The following MAST1 variants were observed in gnomAD, a reference collection of about 807,000 sequenced individuals.
MAST1 encodes the protein microtubule-associated serine/threonine-protein kinase 1.
A neutral mutation model predicts 124.6 loss-of-function variants in MAST1; 40 were observed. The ratio of observed to expected loss-of-function variants is 0.32; its 90% CI spans 0.25 to 0.42. The LOEUF is 0.42. Ranked by LOEUF, MAST1 falls within the 10% of genes least tolerant of loss-of-function variation. MAST1 has a pLI of 1.00. For synonymous variants in MAST1, 938 were observed against 939.4 expected, an observed-to-expected ratio of 1.00 and a Z score of 0.03; for missense variants, 1,558 against 2,181.9, an observed-to-expected ratio of 0.71 and a Z score of 5.70.
Position 12,840,447 on chromosome 19 carries a change from T to A in MAST1, c.85T>A (p.Cys29Ser), listed in dbSNP as rs1369058852. ...GGSMFRRTKS[C>S]RTSNRKSLIL... is the part of the protein sequence containing the mutation. ...CCCCCTGCCTTACCTTCCCCGCAGCTGCCGCACCAGTAATCGGAAAAGCCT... is the reference window on the plus strand; with the variant it reads ...CCCCCTGCCTTACCTTCCCCGCAGCAGCCGCACCAGTAATCGGAAAAGCCT... Residue 29 changes from cysteine (C) to serine (S), a missense_variant and splice_region_variant, in exon 2 of 26, where the codon TGC becomes AGC. By Grantham distance (112) the Cys-to-Ser change is moderately radical (BLOSUM62 -1). Coordinates refer to ENST00000251472, the MANE Select transcript of MAST1 (RefSeq NM_014975.3). 6.2e-7 allele frequency: 1 copy of A among 1,612,078 alleles called. No homozygotes were observed. Among genetic ancestry groups the A allele is most frequent in the Admixed American group, 1.7e-5 (1 of 59,950 alleles).
rs745627244 is a variant in MAST1, at chr19:12,865,155, G to A, written c.1615G>A (p.Ala539Thr). 5 of 1,614,054 alleles carry A rather than the reference G, an allele frequency of 3.1e-6. No homozygotes were observed. In the Admixed American group the frequency reaches 8.3e-5, roughly 27 times the overall value. ...NLYEGHIEKD[A>T]REFLDKQVCG... ...ATATGAAGGCCACATCGAGAAGGAC[G>A]CCCGAGAGTTCCTGGACAAACAGGT... Residue 539 changes from alanine to threonine, a missense_variant, in exon 14 of 26, where the codon GCC (alanine) becomes ACC (threonine). Transcript: ENST00000251472. This position sits in a 1 kb window ranked among gnomAD's most constrained non-coding sequence, Gnocchi z 7.1.
At chr19:12,873,062 C>T (rs1347262587) in intron 24 of MAST1, among the ~76,000 whole-genome samples, 1 of 149,760 alleles carries the variant, frequency 6.7e-6, no homozygotes, top group African/African-American at 2.5e-5. Flanking sequence ...GAGAGGTGGG[C>T]GGGGCAGAAC....
At position 12,865,654 on chromosome 19, in the gene MAST1, A is replaced by AG; in HGVS notation, c.1805-62dup. ...TGCACTCCAGCTGGGTGACACAGTG[A>AG]GATCCTGTGTCCAAACAACAACAAC... On this transcript the variant is annotated intron_variant, in intron 15 of 25. Coordinates refer to ENST00000251472, the MANE Select transcript of MAST1 (RefSeq NM_014975.3). The surrounding 1 kb of genome is among the most constrained non-coding windows in gnomAD (Gnocchi z 7.1). 6.8e-7 allele frequency: 1 copy of AG among 1,462,502 alleles called. No homozygotes were observed. Among genetic ancestry groups the AG allele is most frequent in the South Asian group, 1.2e-5 (1 of 80,788 alleles). 90.6% of individuals were successfully genotyped at this position (1,462,502 alleles called of 1,614,324 possible). A position where few individuals can be genotyped will look rare whatever the true frequency, so the allele number is the denominator to read the frequency against.
Position 12,839,082 on chromosome 19 carries a change from A to C in MAST1, c.83+427A>C, listed in dbSNP as rs1159555381. 4.3e-5 allele frequency among the ~76,000 whole-genome samples: 6 copies of C among 140,036 alleles called. No homozygotes were observed. In the East Asian group the frequency reaches 1.2e-3, roughly 28 times the overall value. The allele number at this position is 140,036 out of a possible 152,430, so 91.9% of individuals were successfully genotyped here. ...CGGCTGTGGGTGAGGGGACGGACGG[A>C]GGGGCTTGGGGCTCCCTCTTCGGGA... On this transcript the variant is annotated intron_variant, in intron 1 of 25. Coordinates refer to ENST00000251472, the MANE Select transcript of MAST1 (RefSeq NM_014975.3).
chr19:12,867,422 C>T, intron 18 of MAST1, 52 bp from the exon 19 acceptor site: 1 of 1,603,644 alleles, frequency 6.2e-7, no homozygotes, highest in Non-Finnish European at 8.5e-7. Flanking sequence ...CTGATTAGCT[C>T]CGGAGTGAAA....
intron 12 of MAST1, chr19:12,859,020 T>G (rs1332935870): frequency 3.9e-6 from 2 of 514,954 alleles, no homozygotes; most frequent in Non-Finnish European, 6.8e-6. Flanking sequence ...CTAATCCATC[T>G]GTTTTTCCAT....
intron 1 of MAST1, 21 bp from the exon 2 acceptor site, chr19:12,840,425 C>G (rs772381094): frequency 5.1e-6 from 8 of 1,578,530 alleles, no homozygotes; most frequent in African/African-American, 4.0e-5. Context: ...GCCCGGCCCC[C>G]CTGCCTTACC....
chr19:12,850,511 A>G (rs1969947649), intron 7 of MAST1, among the ~76,000 whole-genome samples: 1 of 152,242 alleles, frequency 6.6e-6, no homozygotes. Context: ...TTTTAAGTTT[A>G]CATATTTTAT....
chr19:12,867,793 C>T lies in MAST1; in HGVS notation c.2382C>T (p.Ala794=). The T allele has an allele frequency of 1.3e-6, 2 of 1,568,494 alleles. No homozygotes were observed. The highest frequency in any genetic ancestry group is 1.7e-6 in the Non-Finnish European group (2 of 1,158,794). ...LEGEASPPLG[A]RRRFSALLEP... ...GAGAGGCCAGTCCCCCTTTGGGCGC[C>T]CGCCGCCGTTTCTCGGCGCTGCTGG... Residue 794 remains alanine (A), a synonymous_variant, in exon 20 of 26, where the codon GCC becomes GCT. Transcript: ENST00000251472.
At chr19:12,842,903 TGTGA>T (rs1169904240) in intron 3 of MAST1, among the ~76,000 whole-genome samples, 1 of 152,120 alleles carries the variant, frequency 6.6e-6, no homozygotes, top group African/African-American at 2.4e-5. Flanking sequence ...TGCATTAGTG[TGTGA>T]GAGTGTGATA....
chr19:12,840,110 G>A (rs1969807367), intron 1 of MAST1, among the ~76,000 whole-genome samples: 1 of 152,126 alleles, frequency 6.6e-6, no homozygotes, highest in South Asian at 2.1e-4. Context: ...GATACCACAC[G>A]TGGATACCTA....
chr19:12,847,623 C>A lies in MAST1; in HGVS notation c.500C>A (p.Ser167Tyr). The A allele has an allele frequency of 6.2e-7, 1 of 1,614,062 alleles. No individual in the cohort carries two copies. The highest frequency in any genetic ancestry group is 8.5e-7 in the Non-Finnish European group (1 of 1,179,984). The part of the protein sequence containing the change: ...PRSRSLSPGR[S>Y]PSSYDNEIVM... ...TTCTCTCCCCGCAGCCCCGGGCGCT[C>A]CCCCTCCTCCTACGACAACGAGATC... Residue 167 changes from serine to tyrosine, a missense_variant, in exon 6 of 26, where the codon TCC (serine) becomes TAC (tyrosine). By Grantham distance (144) the Ser-to-Tyr change is moderately radical. This residue lies in a region of MAST1 where 165 missense variants were observed against 315.3 expected (regional missense o/e 0.52). Coordinates refer to ENST00000251472, the MANE Select transcript of MAST1 (RefSeq NM_014975.3). This position sits in a 1 kb window ranked among gnomAD's most constrained non-coding sequence, Gnocchi z 5.5.
intron 1 of MAST1, among the ~76,000 whole-genome samples, chr19:12,839,161 C>G (rs1220807823): frequency 6.6e-6 from 1 of 151,860 alleles, no homozygotes; most frequent in Non-Finnish European, 1.5e-5. Context: ...ACAACCCCCC[C>G]CCCCGAACAC....
At position 12,865,633 on chromosome 19, in the gene MAST1, C is replaced by T; in HGVS notation, c.1805-84C>T. The T allele has an allele frequency of 6.9e-7, 1 of 1,452,046 alleles. No homozygotes were observed. The highest frequency in any genetic ancestry group is 9.5e-7 in the Non-Finnish European group (1 of 1,054,444). 89.9% of individuals were successfully genotyped at this position (1,452,046 alleles called of 1,614,324 possible). ...AGTGAGCCATGATCGTGCCACTGCA[C>T]TCCAGCTGGGTGACACAGTGAGATC... On this transcript the variant is annotated intron_variant, in intron 15 of 25. Transcript: ENST00000251472. The surrounding 1 kb of genome is among the most constrained non-coding windows in gnomAD (Gnocchi z 7.1).
In MAST1 at chr19:12,873,377, A is replaced by G; in HGVS notation, c.3317A>G (p.His1106Arg). 1.2e-6 allele frequency: 2 copies of G among 1,614,084 alleles called. No homozygotes were observed. The highest frequency in any genetic ancestry group is 1.7e-6 in the Non-Finnish European group (2 of 1,180,008). The change falls in exon 25 of 26, where the codon CAT becomes CGT. Residue 1106 changes from histidine (H) to arginine (R), a missense_variant. By Grantham distance (29) the His-to-Arg change is conservative (BLOSUM62 0). Transcript: ENST00000251472. ...ATCACGAAGCAGTCGAACCTGCTGC[A>G]TACTAGCCGCTCGCTGTCGTCGCTG... ...RKITKQSNLL[H>R]TSRSLSSLNR...
rs755046228 is a variant in MAST1 at position 12,874,667 on chromosome 19, T to C, written c.4510T>C (p.Ser1504Pro). 3 of 1,538,156 alleles carry C rather than the reference T, an allele frequency of 2.0e-6. 1 individual carries two copies. The highest frequency in any genetic ancestry group is 2.6e-6 in the Non-Finnish European group (3 of 1,138,950). ...CTCCAAGCCCGCCTCCCCAAAGCTCTCCCCGGAGCCCCAGACACCCTCCCT... is the reference window on the plus strand; with the variant it reads ...CTCCAAGCCCGCCTCCCCAAAGCTCCCCCCGGAGCCCCAGACACCCTCCCT... Reference protein sequence around the residue: ...PRSKPASPKLSPEPQTPSLAP... With the variant: ...PRSKPASPKLPPEPQTPSLAP... The change falls in exon 26 of 26, where the codon TCC (serine) becomes CCC (proline). Residue 1504 changes from serine to proline, a missense_variant. Around this residue, in one of 10 missense-constraint regions of MAST1, gnomAD observed 168 missense variants for 154.3 expected, o/e 1.09. Transcript: ENST00000251472. This position sits in a 1 kb window ranked among gnomAD's most constrained non-coding sequence, Gnocchi z 6.6.
rs1397514422 is a variant in MAST1 at position 12,838,932 on chromosome 19, C to T, written c.83+277C>T. 6.6e-6 allele frequency among the ~76,000 whole-genome samples: 1 copy of T among 150,498 alleles called. No homozygotes were observed. The highest frequency in any genetic ancestry group is 1.9e-4 in the East Asian group (1 of 5,134). On this transcript the variant is annotated intron_variant, in intron 1 of 25. Transcript: ENST00000251472. This position sits in a 1 kb window ranked among gnomAD's most constrained non-coding sequence, Gnocchi z 4.3. ...TGCTGGCGCTGCGGGCTCCAACAGC[C>T]TGGTGGGGGTAGAGGAAGAAGGGGA... is the stretch of plus-strand genomic sequence containing the variant.
At chr19:12,868,145 A>C (rs1194401085) in intron 20 of MAST1, among the ~76,000 whole-genome samples, 168 bp downstream of exon 20, 1 of 96,732 alleles carries the variant, frequency 1.0e-5, no homozygotes, top group Non-Finnish European at 2.0e-5. Flanking sequence ...GTCTCACTCC[A>C]TCACCCAGGA....
rs748654083 is a variant in MAST1, at chr19:12,847,701, C to A, written c.564+14C>A. On this transcript the variant is annotated intron_variant, in intron 6 of 25. Coordinates refer to ENST00000251472, the MANE Select transcript of MAST1 (RefSeq NM_014975.3). The surrounding 1 kb of genome is among the most constrained non-coding windows in gnomAD (Gnocchi z 5.5). ...AGGTTCCCGAAGGTGAGGTGGGACC[C>A]GAGGCGGTCACGGGGTGACCAGGCG... The A allele has an allele frequency of 1.9e-6, 3 of 1,613,132 alleles. No homozygotes were observed. Among genetic ancestry groups the A allele is most frequent in the Non-Finnish European group, 2.5e-6 (3 of 1,179,510 alleles).
Sources: allele counts gnomAD v4.1 joint callset (sites outside exome capture counted in the v4.1 genomes callset), GRCh38; gene constraint gnomAD v4.1.1; regional missense constraint gnomAD v4.1.1; non-coding constraint Gnocchi (gnomAD v3.1); transcripts MANE v1.5; gene names NCBI Gene and HGNC (gene_info 2026-07-23, HGNC 2026-07-21).